Variants in SAV1 observed in about 807,000 individuals in gnomAD.
SAV1 encodes the protein salvador family WW domain containing protein 1, also known as protein salvador homolog 1.
SAV1 carries 23 observed loss-of-function variants against 47.3 expected under a neutral mutation model. The observed-to-expected ratio is 0.49, with a 90% CI of 0.35 to 0.69. The LOEUF is 0.69. Among genes scored for constraint, SAV1 ranks in the 30% least tolerant of loss-of-function variants. The pLI, the probability that SAV1 is intolerant of heterozygous loss-of-function variation, is 0.01. For synonymous variants in SAV1, 155 were observed against 159.2 expected, an observed-to-expected ratio of 0.97 and a Z score of 0.20; for missense variants, 448 against 457.4, an observed-to-expected ratio of 0.98 and a Z score of 0.19.
At chr14:50,666,843 A>G (rs2037389308) in intron 1 of SAV1, among the ~76,000 whole-genome samples, 1 of 152,088 alleles carries the variant, frequency 6.6e-6, no homozygotes, top group Non-Finnish European at 1.5e-5. Context: ...CAACTGACAT[A>G]TATTTTGTTG....
chr14:50,661,742 G>A (rs576410534), intron 2 of SAV1, among the ~76,000 whole-genome samples: 145 of 152,306 alleles, frequency 9.5e-4, no homozygotes, highest in South Asian at 2.5e-3. Flanking sequence ...TCAGTTGGCT[G>A]TAAATATGTG....
chr14:50,662,944 G>A (rs2039872497), intron 2 of SAV1: 1 of 152,236 alleles, frequency 6.6e-6, no homozygotes, highest in Admixed American at 6.5e-5. Flanking sequence ...GTCATGTGCT[G>A]TGCTAATCCT....
chr14:50,646,002 C>T (rs542453779), intron 2 of SAV1, among the ~76,000 whole-genome samples: 3 of 152,154 alleles, frequency 2.0e-5, no homozygotes, highest in South Asian at 2.1e-4. Context: ...ATCACATTAA[C>T]GGATTGGAAG....
chr14:50,668,025 C>T lies in SAV1; in HGVS notation c.-58G>A, dbSNP rs546700105. On this transcript the variant is annotated 5_prime_UTR_variant, in exon 1 of 5. Transcript: ENST00000324679. ...TGCCTCCCTAGGGCTCCGCGCCGGGCGCCGGCCGTCTCCGCCGCCACCTCC... is the reference window on the plus strand; with the variant it reads ...TGCCTCCCTAGGGCTCCGCGCCGGGTGCCGGCCGTCTCCGCCGCCACCTCC... The T allele has an allele frequency of 6.8e-5, 90 of 1,324,096 alleles. No individual in the cohort carries two copies. In the South Asian group the frequency reaches 1.6e-3, roughly 23 times the overall value. 82.0% of individuals were successfully genotyped at this position (1,324,096 alleles called of 1,614,324 possible).
intron 2 of SAV1, among the ~76,000 whole-genome samples, chr14:50,661,401 C>G (rs1490421385): frequency 6.6e-6 from 1 of 152,144 alleles, no homozygotes. Flanking sequence ...AATATGTTGT[C>G]TCTTCATTCT....
intron 2 of SAV1, chr14:50,664,496 G>A (rs1319180025): frequency 6.6e-6 from 1 of 152,078 alleles, no homozygotes; most frequent in Non-Finnish European, 1.5e-5. Flanking sequence ...AAGTAGAATT[G>A]TACATTTCTC....
chr14:50,639,044 G>A (rs568290613), intron 4 of SAV1, among the ~76,000 whole-genome samples: 29 of 152,362 alleles, frequency 1.9e-4, no homozygotes, highest in Admixed American at 1.3e-3. Flanking sequence ...TGGGATTACA[G>A]GCATGAGCCG....
At chr14:50,648,205 T>A (rs544706404) in intron 2 of SAV1, among the ~76,000 whole-genome samples, 12 of 152,148 alleles carry the variant, frequency 7.9e-5, no homozygotes. Context: ...TGGCTACAAA[T>A]TGTACAGTTC....
At chr14:50,660,150 T>C (rs2039846391) in intron 2 of SAV1, among the ~76,000 whole-genome samples, 1 of 152,220 alleles carries the variant, frequency 6.6e-6, no homozygotes. Flanking sequence ...CAGTGTTCCA[T>C]GAACTCAACC....
At chr14:50,638,532 C>A (rs1234490469) in intron 4 of SAV1, among the ~76,000 whole-genome samples, 1 of 152,122 alleles carries the variant, frequency 6.6e-6, no homozygotes, top group African/African-American at 2.4e-5. Context: ...CCAGGTATCA[C>A]CATGTAGCCT....
At chr14:50,653,574 T>TA (rs1286263077) in intron 2 of SAV1, among the ~76,000 whole-genome samples, 1 of 152,048 alleles carries the variant, frequency 6.6e-6, no homozygotes, top group African/African-American at 2.4e-5. Flanking sequence ...CAGTGAACCT[T>TA]AAAGTTATCT....
At chr14:50,635,631 T>C (rs1017865066) in intron 4 of SAV1, among the ~76,000 whole-genome samples, 15 of 152,200 alleles carry the variant, frequency 9.9e-5, no homozygotes, top group South Asian at 6.2e-4. Context: ...CTGGGCAACA[T>C]AGCAAGACCC....
chr14:50,646,593 GGAGAATTGCTTGAACCC>G (rs1235877699), intron 2 of SAV1, among the ~76,000 whole-genome samples: 1 of 151,596 alleles, frequency 6.6e-6, no homozygotes, highest in East Asian at 1.9e-4. Context: ...GGCTGAGGCA[GGAGAATTGCTTGAACCC>G]GAGAGCAGAG....
intron 4 of SAV1, among the ~76,000 whole-genome samples, chr14:50,638,619 T>C (rs2039656053): frequency 1.3e-5 from 2 of 152,150 alleles, no homozygotes; most frequent in African/African-American, 2.4e-5. Context: ...GCAGGGTCAA[T>C]GGTGACACTG....
chr14:50,645,353 T>G (rs1006336959), intron 2 of SAV1, among the ~76,000 whole-genome samples: 3 of 152,162 alleles, frequency 2.0e-5, no homozygotes, highest in Non-Finnish European at 2.9e-5. Flanking sequence ...AGCTGACATG[T>G]TGCCACAAGC....
At chr14:50,635,520 T>C (rs924843069) in intron 4 of SAV1, 136 bp from the exon 5 acceptor site, 1 of 753,310 alleles carries the variant, frequency 1.3e-6, no homozygotes, top group African/African-American at 1.8e-5. Context: ...TAAAAATAAC[T>C]GGGCACAGTG....
chr14:50,654,470 A>G (rs1462213675), intron 2 of SAV1, among the ~76,000 whole-genome samples: 3 of 152,364 alleles, frequency 2.0e-5, no homozygotes, highest in Non-Finnish European at 2.9e-5. Context: ...TAGTTTGCAC[A>G]CAAGTGCAAT....
intron 4 of SAV1, chr14:50,637,919 C>T (rs932230096): frequency 6.6e-6 from 1 of 152,156 alleles, no homozygotes; most frequent in Non-Finnish European, 1.5e-5. Context: ...AACTCCTAAG[C>T]TCTAACAATC....
At chr14:50,643,117 A>G (rs1393194837) in intron 3 of SAV1, among the ~76,000 whole-genome samples, 1 of 152,242 alleles carries the variant, frequency 6.6e-6, no homozygotes, top group Non-Finnish European at 1.5e-5. Context: ...TACATATGTG[A>G]GCTTAAGGGC....
Sources: gnomAD v4.1 joint callset for allele counts (sites outside exome capture counted in the v4.1 genomes callset) on GRCh38, gnomAD v4.1.1 for gene constraint, MANE v1.5 for transcripts, NCBI Gene and HGNC (gene_info 2026-07-23, HGNC 2026-07-21) for gene names.